Variants in CACNA1C observed in about 807,000 individuals in gnomAD.
The protein encoded by CACNA1C is voltage-dependent L-type calcium channel subunit alpha-1C.
Under a neutral mutation model 229.0 loss-of-function variants are expected in CACNA1C, and 30 were observed. That is an observed-to-expected ratio of 0.13 (90% CI 0.10 to 0.18). The LOEUF (loss-of-function observed/expected upper bound fraction) is 0.18, where lower values mean the gene tolerates loss of function less well. Ranked by LOEUF, CACNA1C falls within the 10% of genes least tolerant of loss-of-function variation. The probability of loss-of-function intolerance (pLI) is 1.00; values close to 1 mark genes in which losing one functional copy is unlikely to be tolerated. For synonymous variants in CACNA1C, 1,114 were observed against 1,132.5 expected (o/e 0.98, Z 0.33); for missense variants, 1,658 against 2,845.0 (o/e 0.58, Z 9.49).
At chr12:2,350,789 C>T (rs1313106827) in intron 3 of CACNA1C, among the ~76,000 whole-genome samples, 2 of 152,236 alleles carry the variant, frequency 1.3e-5, no homozygotes, top group East Asian at 3.8e-4. Context: ...GGCACCTCCC[C>T]ATGTCGCAGG....
chr12:2,583,343 A>C (rs899657334), intron 15 of CACNA1C, among the ~76,000 whole-genome samples: 87 of 152,206 alleles, frequency 5.7e-4, no homozygotes, highest in African/African-American at 1.8e-3. Context: ...CCTTCAAGTG[A>C]CCTTCAGCTC....
intron 3 of CACNA1C, among the ~76,000 whole-genome samples, chr12:2,384,993 G>A (rs1463214190): frequency 2.0e-5 from 3 of 152,184 alleles, no homozygotes; most frequent in East Asian, 1.9e-4. Context: ...CCAACTGACC[G>A]TGAAAGGAGG....
chr12:2,272,242 A>G (rs1204127481), intron 3 of CACNA1C, among the ~76,000 whole-genome samples: 3 of 152,230 alleles, frequency 2.0e-5, no homozygotes, highest in Middle Eastern at 6.8e-3. Context: ...TATGGGCCCC[A>G]TTCTCCTACT....
intron 3 of CACNA1C, among the ~76,000 whole-genome samples, chr12:2,184,199 T>C (rs2096928739): frequency 6.6e-6 from 1 of 152,244 alleles, no homozygotes; most frequent in Non-Finnish European, 1.5e-5. Context: ...AGGAAGAGAA[T>C]GCTGGCTCTG....
At chr12:2,196,650 C>T (rs1351920511) in intron 3 of CACNA1C, among the ~76,000 whole-genome samples, 1 of 152,350 alleles carries the variant, frequency 6.6e-6, no homozygotes, top group African/African-American at 2.4e-5. Context: ...TGCAGACTCC[C>T]TGAAGGCCTT....
intron 42 of CACNA1C, among the ~76,000 whole-genome samples, chr12:2,680,831 C>T (rs2097109656): frequency 6.6e-6 from 1 of 152,246 alleles, no homozygotes; most frequent in Non-Finnish European, 1.5e-5. Flanking sequence ...GGTTTAGCCA[C>T]CCAGAAGCAG....
At chr12:2,111,709 A>G in intron 1 of CACNA1C, among the ~76,000 whole-genome samples, 1 of 152,202 alleles carries the variant, frequency 6.6e-6, no homozygotes, top group East Asian at 1.9e-4. Context: ...AAATTTTGTC[A>G]GTGCCAAACA....
rs562161600 is a variant in CACNA1C at position 2,354,457 on chromosome 12, C to A, written c.478-94519C>A. Among the ~76,000 whole-genome samples, 2 of 152,188 alleles carry A rather than the reference C, an allele frequency of 1.3e-5. No individual in the cohort carries two copies. The highest frequency in any genetic ancestry group is 4.2e-4 in the South Asian group (2 of 4,818). ...GCTATGACTGCAGCCTGTAGGGAAA[C>A]GCCGGGAGGAACAGGAGACTGTTGA... On this transcript the variant is annotated intron_variant, in intron 3 of 46. Transcript: ENST00000399655. This position sits in a 1 kb window ranked among gnomAD's most constrained non-coding sequence, Gnocchi z 4.6.
chr12:2,275,441 A>T lies in CACNA1C; in HGVS notation c.477+155011A>T, dbSNP rs1429377932. Reference sequence around the variant, plus strand: ...CTGGTGAGCCCGCCAGCTGTACCGCATCGCTCTGTGCATGTGACCTAGCTC... The same window carrying T: ...CTGGTGAGCCCGCCAGCTGTACCGCTTCGCTCTGTGCATGTGACCTAGCTC... On this transcript the variant is annotated intron_variant, in intron 3 of 46. Transcript: ENST00000399655. The surrounding 1 kb of genome is among the most constrained non-coding windows in gnomAD (Gnocchi z 4.1). Among the ~76,000 whole-genome samples the T allele has an allele frequency of 1.3e-5, 2 of 152,092 alleles. No individual in the cohort carries two copies. The highest frequency in any genetic ancestry group is 4.8e-5 in the African/African-American group (2 of 41,414).
At chr12:2,115,156 C>G (rs2083340446) in intron 1 of CACNA1C, 68 bp from the exon 2 acceptor site, 10 of 1,236,154 alleles carry the variant, frequency 8.1e-6, no homozygotes, top group Non-Finnish European at 1.1e-5. Flanking sequence ...ATCTGGGGTC[C>G]AGAGAGTGTC....
intron 3 of CACNA1C, among the ~76,000 whole-genome samples, chr12:2,351,555 G>A (rs541778313): frequency 6.6e-6 from 1 of 152,348 alleles, no homozygotes; most frequent in East Asian, 1.9e-4. Flanking sequence ...CTCCTCAAGG[G>A]TGGCTGATGC....
chr12:2,352,505 C>T (rs2097231999), intron 3 of CACNA1C, among the ~76,000 whole-genome samples: 1 of 152,180 alleles, frequency 6.6e-6, no homozygotes, highest in Non-Finnish European at 1.5e-5. Flanking sequence ...TGCTGTCATC[C>T]CGCCTTTTCC....
intron 1 of CACNA1C, among the ~76,000 whole-genome samples, chr12:2,024,009 A>G (rs1460823955): frequency 1.3e-5 from 2 of 152,198 alleles, no homozygotes; most frequent in Non-Finnish European, 2.9e-5. Flanking sequence ...ATTAGGCAAT[A>G]GCTAAGCCCT....
At chr12:2,615,953 G>A (rs773692761) in intron 29 of CACNA1C, among the ~76,000 whole-genome samples, 97 of 152,194 alleles carry the variant, frequency 6.4e-4, no homozygotes, top group Non-Finnish European at 1.2e-3. Context: ...CCTCCACACA[G>A]GCTCCACCTG....
intron 3 of CACNA1C, among the ~76,000 whole-genome samples, chr12:2,374,557 G>A (rs1179481030): frequency 1.3e-5 from 2 of 152,220 alleles, no homozygotes; most frequent in Non-Finnish European, 2.9e-5. Flanking sequence ...CTCAGCCAGG[G>A]TGGTTTTCCT....
rs142460009 is a variant in CACNA1C at position 2,429,190 on chromosome 12, C to T, written c.478-19786C>T. ...TTTTCCCTTCTTATAAGGACATCAA[C>T]ATATTGGATTAGGGGCCCACAAACT... On this transcript the variant is annotated intron_variant, in intron 3 of 46. Transcript: ENST00000399655. Among the ~76,000 whole-genome samples the T allele has an allele frequency of 8.2e-4, 125 of 152,192 alleles. 1 individual carries two copies. In the East Asian group the frequency reaches 0.014, roughly 18 times the overall value.
chr12:1,996,208 ACT>A (rs1452802332), intron 1 of CACNA1C, among the ~76,000 whole-genome samples: 1 of 152,146 alleles, frequency 6.6e-6, no homozygotes, highest in Admixed American at 6.5e-5. Flanking sequence ...AAGTGAATAC[ACT>A]GACTTTCCCC....
intron 8 of CACNA1C, among the ~76,000 whole-genome samples, chr12:2,506,493 G>C (rs971650096): frequency 4.6e-5 from 7 of 152,186 alleles, no homozygotes; most frequent in African/African-American, 1.2e-4. Context: ...GATAGAATAA[G>C]ATCATTTTCA....
chr12:2,554,773 G>A (rs1387376385), intron 10 of CACNA1C, among the ~76,000 whole-genome samples: 1 of 152,208 alleles, frequency 6.6e-6, no homozygotes, highest in Non-Finnish European at 1.5e-5. Context: ...ACGTCACAGA[G>A]TTCTCACCTC....
Sources: gnomAD v4.1 joint callset for allele counts (sites outside exome capture counted in the v4.1 genomes callset) on GRCh38, gnomAD v4.1.1 for gene constraint, Gnocchi (gnomAD v3.1) non-coding constraint, MANE v1.5 for transcripts, NCBI Gene and HGNC (gene_info 2026-07-23, HGNC 2026-07-21) for gene names.